Variants in RASAL2 observed in about 807,000 individuals in gnomAD.
The protein encoded by RASAL2 is ras GTPase-activating protein nGAP.
In RASAL2, 58 loss-of-function variants were observed where a neutral mutation model predicts 128.9. The observed-to-expected ratio is 0.45, with a 90% CI of 0.36 to 0.56. The LOEUF (loss-of-function observed/expected upper bound fraction) is 0.56. Among genes scored for constraint, RASAL2 ranks in the 20% least tolerant of loss-of-function variants. The pLI is 0.00. For synonymous variants in RASAL2, 561 were observed against 580.8 expected (o/e 0.97, Z 0.49); for missense variants, 1,360 against 1,601.6 (o/e 0.85, Z 2.57).
chr1:178,105,098 A>G (rs1659040203), intron 1 of RASAL2, among the ~76,000 whole-genome samples: 1 of 152,230 alleles, frequency 6.6e-6, no homozygotes, highest in Non-Finnish European at 1.5e-5. Context: ...GTCTTATATA[A>G]TACTGTGTTA....
chr1:178,242,426 TC>T (rs1664543890), intron 1 of RASAL2, among the ~76,000 whole-genome samples: 1 of 1,304 alleles, frequency 7.7e-4, no homozygotes, highest in Non-Finnish European at 2.4e-3. Context: ...TAATTCATTC[TC>T]TCTCTCTCTC....
At chr1:178,200,261 G>A (rs182470463) in intron 1 of RASAL2, among the ~76,000 whole-genome samples, 2 of 152,088 alleles carry the variant, frequency 1.3e-5, no homozygotes, top group African/African-American at 4.8e-5. Flanking sequence ...TGCTTAATAC[G>A]AATAGACCCC....
intron 1 of RASAL2, among the ~76,000 whole-genome samples, chr1:178,230,648 A>G (rs751057230): frequency 4.6e-5 from 7 of 152,234 alleles, no homozygotes; most frequent in Non-Finnish European, 1.0e-4. Context: ...ATTTAGGGGC[A>G]TAAGGCAGAA....
intron 1 of RASAL2, among the ~76,000 whole-genome samples, chr1:178,263,812 C>T (rs1665810308): frequency 6.6e-6 from 1 of 152,174 alleles, no homozygotes; most frequent in Non-Finnish European, 1.5e-5. Context: ...CCATCAGCCT[C>T]CTGAATAGTT....
intron 1 of RASAL2, among the ~76,000 whole-genome samples, chr1:178,233,119 T>C (rs1415576294): frequency 6.6e-6 from 1 of 152,210 alleles, no homozygotes; most frequent in Non-Finnish European, 1.5e-5. Flanking sequence ...CGTAATAACA[T>C]GACACCAGCT....
chr1:178,444,254 A>C (rs1038126923), intron 8 of RASAL2, among the ~76,000 whole-genome samples: 3 of 152,174 alleles, frequency 2.0e-5, no homozygotes, highest in Non-Finnish European at 4.4e-5. Context: ...GGTAGAATAA[A>C]CACCCATTTA....
intron 1 of RASAL2, among the ~76,000 whole-genome samples, chr1:178,251,885 G>A (rs568312325): frequency 2.0e-5 from 3 of 152,276 alleles, no homozygotes; most frequent in East Asian, 1.9e-4. Flanking sequence ...AGAATGTTAT[G>A]TAAATTTTAA....
chr1:178,229,102 C>T (rs906836539), intron 1 of RASAL2, among the ~76,000 whole-genome samples: 1 of 152,104 alleles, frequency 6.6e-6, no homozygotes, highest in African/African-American at 2.4e-5. Context: ...ATTTTATCTA[C>T]CTTTATATGC....
chr1:178,371,686 G>C (rs1671727979), intron 3 of RASAL2, among the ~76,000 whole-genome samples: 1 of 152,148 alleles, frequency 6.6e-6, no homozygotes, highest in South Asian at 2.1e-4. Context: ...GGAAGGGGAA[G>C]GGGGCTGCAG....
At chr1:178,468,676 GA>G (rs1647972613) in intron 17 of RASAL2, among the ~76,000 whole-genome samples, 1 of 152,186 alleles carries the variant, frequency 6.6e-6, no homozygotes. Flanking sequence ...TAGACATGCG[GA>G]GAATCAGAAG....
At chr1:178,248,480 G>A (rs561390207) in intron 1 of RASAL2, among the ~76,000 whole-genome samples, 1 of 152,130 alleles carries the variant, frequency 6.6e-6, no homozygotes, top group Admixed American at 6.6e-5. Context: ...GCATATCGAT[G>A]GGTCTTGACC....
chr1:178,391,892 C>CAGTA lies in RASAL2; in HGVS notation c.564+1687_564+1690dup, dbSNP rs201357765. ...ATTCAGATGTCATTGCTATGGTGAG[C>CAGTA]AGTAGGTTTACCACTCATCAATTGG... On this transcript the variant is annotated intron_variant, in intron 4 of 17. Transcript: ENST00000367649. 4.3e-3 allele frequency among the ~76,000 whole-genome samples: 653 copies of CAGTA among 152,222 alleles called. 14 individuals carry two copies. Among genetic ancestry groups the CAGTA allele is most frequent in the African/African-American group, 0.015 (627 of 41,530 alleles).
chr1:178,430,545 T>G (rs1241942856), intron 5 of RASAL2, among the ~76,000 whole-genome samples: 4 of 152,102 alleles, frequency 2.6e-5, no homozygotes, highest in South Asian at 4.1e-4. Context: ...GTCATATCAC[T>G]GCAAAAAAAG....
At chr1:178,217,975 TAATAAACTTCTATCTCAAGATGG>T (rs1195926713) in intron 1 of RASAL2, among the ~76,000 whole-genome samples, 2 of 152,228 alleles carry the variant, frequency 1.3e-5, no homozygotes, top group African/African-American at 2.4e-5. Context: ...TAAGTTTATG[TAATAAACTTCTATCTCAAGATGG>T]AATAAACTTC....
At chr1:178,465,863 C>A in intron 15 of RASAL2, 57 bp from the exon 16 acceptor site, 1 of 1,306,396 alleles carries the variant, frequency 7.7e-7, no homozygotes, top group African/African-American at 1.5e-5. Flanking sequence ...AAGTAAATCA[C>A]TGATTTCTAA....
chr1:178,178,074 G>C (rs868178316), intron 1 of RASAL2, among the ~76,000 whole-genome samples: 2 of 151,986 alleles, frequency 1.3e-5, no homozygotes, highest in African/African-American at 4.8e-5. Flanking sequence ...GTTATCATAA[G>C]ACTTGTGTCA....
rs1677890007 is a variant in RASAL2, at chr1:178,457,894, C to A, written c.2602C>A (p.Leu868Ile). The change falls in exon 14 of 18, where the codon CTT (leucine) becomes ATT (isoleucine). Residue 868 changes from leucine (L) to isoleucine (I), a missense_variant. Leu to Ile is a conservative substitution (Grantham distance 5, BLOSUM62 2). Transcript: ENST00000367649. ...AAQVEHASVM[L>I]DVPIRLTGSQ... ...TCAAGTGGAGCATGCATCTGTCATGCTTGATGTGCCTATACGCTTGACCGG... is the reference window on the plus strand; with the variant it reads ...TCAAGTGGAGCATGCATCTGTCATGATTGATGTGCCTATACGCTTGACCGG... 1.2e-6 allele frequency: 2 copies of A among 1,614,190 alleles called. No homozygotes were observed. The highest frequency in any genetic ancestry group is 1.7e-6 in the Non-Finnish European group (2 of 1,180,028).
chr1:178,466,692 C>T (rs1647737274), intron 16 of RASAL2, among the ~76,000 whole-genome samples: 1 of 152,216 alleles, frequency 6.6e-6, no homozygotes, highest in Admixed American at 6.5e-5. Context: ...TTCATTAAGT[C>T]ACTTGCCCAA....
intron 1 of RASAL2, among the ~76,000 whole-genome samples, chr1:178,193,639 G>T (rs542609909): frequency 6.6e-6 from 1 of 151,676 alleles, no homozygotes; most frequent in Non-Finnish European, 1.5e-5. Flanking sequence ...ACAGGTAGTT[G>T]ATATATTATT....
Sources: gnomAD v4.1 joint callset for allele counts (sites outside exome capture counted in the v4.1 genomes callset) on GRCh38, gnomAD v4.1.1 for gene constraint, MANE v1.5 for transcripts, NCBI Gene and HGNC (gene_info 2026-07-23, HGNC 2026-07-21) for gene names.